SLC45A2: variants seen among roughly 807,000 people sequenced by gnomAD.
SLC45A2 encodes the protein solute carrier family 45 member 2.
A neutral mutation model predicts 45.5 loss-of-function variants in SLC45A2; 36 were observed. That is an observed-to-expected ratio of 0.79 (90% CI 0.61 to 1.04). The LOEUF is 1.04. SLC45A2 is among the 50% of genes least tolerant of loss of function. The probability of loss-of-function intolerance (pLI) is 0.00; values close to 1 mark genes in which losing one functional copy is unlikely to be tolerated. For missense variants in SLC45A2, 719 were observed against 671.0 expected, an observed-to-expected ratio of 1.07 and a Z score of -0.79; for synonymous variants, 306 against 269.3, an observed-to-expected ratio of 1.14 and a Z score of -1.33.
chr5:33,982,239 TG>T lies in SLC45A2; in HGVS notation c.558del (p.Phe186LeufsTer15). The T allele has an allele frequency of 6.2e-7, 1 of 1,613,948 alleles. No individual in the cohort carries two copies. The highest frequency in any genetic ancestry group is 1.1e-5 in the South Asian group (1 of 91,068). On this transcript the variant is annotated frameshift_variant, in exon 2 of 7. Coordinates refer to ENST00000296589, the MANE Select transcript of SLC45A2 (RefSeq NM_016180.5). LOFTEE classifies it high-confidence loss of function. ...GACTTTCTGGAATATTCCCTACCTGTGAAGAGGGCATGGTAGTGGAGGCCCT... is the reference window on the plus strand; with the variant it reads ...GACTTTCTGGAATATTCCCTACCTGTAAGAGGGCATGGTAGTGGAGGCCCT... ...KEKGLHYHAL[F>X]TGFGGALGYL...
At position 33,984,457 on chromosome 5, in the gene SLC45A2, A is replaced by G. The variant is rs768008001; in HGVS notation, c.127T>C (p.Phe43Leu). Residue 43 changes from phenylalanine to leucine, a missense_variant, in exon 1 of 7, where the codon TTC becomes CTC. Coordinates refer to ENST00000296589, the MANE Select transcript of SLC45A2 (RefSeq NM_016180.5). The stretch of plus-strand genomic sequence containing the variant: ...ACCGCGTAGCAGAACTCTCTTCCGA[A>G]CATGGCCATGCTGTGCATGATGAGT... ...SRLIMHSMAM[F>L]GREFCYAVEA... 1.2e-5 allele frequency: 19 copies of G among 1,613,850 alleles called. 1 individual carries two copies. Among genetic ancestry groups the G allele is most frequent in the Non-Finnish European group, 1.6e-5 (19 of 1,180,006 alleles).
Position 33,951,468 on chromosome 5 carries a change from T to C in SLC45A2, c.1156+86A>G, listed in dbSNP as rs778701792. The C allele has an allele frequency of 5.2e-5, 83 of 1,608,906 alleles. No homozygotes were observed. In the Middle Eastern group the frequency reaches 7.4e-4, roughly 14 times the overall value. ...ATTAAGAATCTGGTATTTTAAACAG[T>C]AGGAAATACACATAGAAATATCAAA... On this transcript the variant is annotated intron_variant, in intron 5 of 6. Transcript: ENST00000296589.
rs529472351 is a variant in SLC45A2, at chr5:33,950,385, T to C, written c.1156+1169A>G. ...GCACACTCGAAGAGGAAGAAAAGAGTTTGCTAAATAAATGTGATCTTTAAG... is the reference window on the plus strand; with the variant it reads ...GCACACTCGAAGAGGAAGAAAAGAGCTTGCTAAATAAATGTGATCTTTAAG... On this transcript the variant is annotated intron_variant, in intron 5 of 6. Transcript: ENST00000296589. Among the ~76,000 whole-genome samples, 4 of 152,302 alleles carry C rather than the reference T, an allele frequency of 2.6e-5. No homozygotes were observed. The South Asian group carries it at 8.3e-4, about 32-fold the overall frequency.
At position 33,983,921 on chromosome 5, in the gene SLC45A2, GATAAAATAGATACAAATTTA is replaced by G. The variant is rs1753155902; in HGVS notation, c.385+258_385+277del. Among the ~76,000 whole-genome samples, 3 of 152,206 alleles carry G rather than the reference GATAAAATAGATACAAATTTA, an allele frequency of 2.0e-5. No homozygotes were observed. The South Asian group carries it at 6.2e-4, about 32-fold the overall frequency. Reference sequence around the variant, plus strand: ...ATAAATATGTAAAAATATTCAATTCGATAAAATAGATACAAATTTAATAAAATAGATACAAATTTAATCCT... The same window carrying G: ...ATAAATATGTAAAAATATTCAATTCGATAAAATAGATACAAATTTAATCCT... On this transcript the variant is annotated intron_variant, in intron 1 of 6. Coordinates refer to ENST00000296589, the MANE Select transcript of SLC45A2 (RefSeq NM_016180.5).
chr5:33,957,844 T>C (rs1270426782), intron 3 of SLC45A2, among the ~76,000 whole-genome samples: 2 of 152,218 alleles, frequency 1.3e-5, no homozygotes, highest in African/African-American at 4.8e-5. Flanking sequence ...CTGCTTTCAT[T>C]GTTAGCCTAA....
intron 6 of SLC45A2, 119 bp downstream of exon 6, chr5:33,947,044 C>A (rs1009657818): frequency 1.9e-6 from 3 of 1,608,208 alleles, no homozygotes; most frequent in Non-Finnish European, 2.5e-6. Context: ...GGGCATTTGA[C>A]TGTTGCTGTT....
chr5:33,974,673 G>A (rs1385933362), intron 2 of SLC45A2, among the ~76,000 whole-genome samples: 1 of 152,182 alleles, frequency 6.6e-6, no homozygotes, highest in East Asian at 1.9e-4. Flanking sequence ...ACAAGGCCCT[G>A]CTTGTTATTT....
At chr5:33,948,636 C>T (rs968197299) in intron 5 of SLC45A2, among the ~76,000 whole-genome samples, 1 of 152,212 alleles carries the variant, frequency 6.6e-6, no homozygotes, top group African/African-American at 2.4e-5. Context: ...CTCTATTAAA[C>T]TTATACCATG....
At chr5:33,947,914 C>T (rs1751986472) in intron 5 of SLC45A2, among the ~76,000 whole-genome samples, 1 of 152,174 alleles carries the variant, frequency 6.6e-6, no homozygotes, top group Admixed American at 6.5e-5. Context: ...AAAAGATGTA[C>T]AATTATCTGA....
intron 5 of SLC45A2, among the ~76,000 whole-genome samples, chr5:33,948,552 C>T (rs1037487322): frequency 6.6e-6 from 1 of 152,174 alleles, no homozygotes; most frequent in Non-Finnish European, 1.5e-5. Context: ...ACATTTGAAT[C>T]AATTATGAAA....
intron 2 of SLC45A2, chr5:33,971,377 A>G (rs1752772348): frequency 2.1e-6 from 1 of 487,088 alleles, no homozygotes; most frequent in Non-Finnish European, 4.0e-6. Context: ...GGACCACCAT[A>G]AACAGGAAAA....
Position 33,963,674 on chromosome 5 carries a change from A to G in SLC45A2, c.888+17T>C. On this transcript the variant is annotated intron_variant, in intron 3 of 6. Coordinates refer to ENST00000296589, the MANE Select transcript of SLC45A2 (RefSeq NM_016180.5). ...AAGAATATTTTCCCTTGTAAAGAAAAAATGTTGCATCTTTACCTGTTCAGC... is the reference window on the plus strand; with the variant it reads ...AAGAATATTTTCCCTTGTAAAGAAAGAATGTTGCATCTTTACCTGTTCAGC... 1 of 1,612,674 alleles carries G rather than the reference A, an allele frequency of 6.2e-7. No individual in the cohort carries two copies. The highest frequency in any genetic ancestry group is 8.5e-7 in the Non-Finnish European group (1 of 1,178,960).
At chr5:33,953,152 A>G (rs189047198) in intron 4 of SLC45A2, among the ~76,000 whole-genome samples, 1 of 149,640 alleles carries the variant, frequency 6.7e-6, no homozygotes, top group Non-Finnish European at 1.5e-5. Flanking sequence ...CGCAGTAAAC[A>G]TACGTGTGCA....
At chr5:33,974,809 G>C (rs1232046120) in intron 2 of SLC45A2, among the ~76,000 whole-genome samples, 1 of 152,162 alleles carries the variant, frequency 6.6e-6, no homozygotes, top group Non-Finnish European at 1.5e-5. Flanking sequence ...GAGAGAGATT[G>C]CAAGAAAGAC....
intron 2 of SLC45A2, among the ~76,000 whole-genome samples, chr5:33,969,932 G>C (rs1053975745): frequency 6.6e-5 from 10 of 152,230 alleles, no homozygotes; most frequent in African/African-American, 2.4e-4. Flanking sequence ...ATTTATGGCT[G>C]TCTTGAGCTT....
At position 33,982,364 on chromosome 5, in the gene SLC45A2, GTGAC is replaced by G. The variant is rs1204442882; in HGVS notation, c.430_433del (p.Val144ProfsTer2). 6.2e-7 allele frequency: 1 copy of G among 1,614,164 alleles called. No homozygotes were observed. Among genetic ancestry groups the G allele is most frequent in the South Asian group, 1.1e-5 (1 of 91,088 alleles). On this transcript the variant is annotated frameshift_variant, in exon 2 of 7. Transcript: ENST00000296589. LOFTEE classifies it high-confidence loss of function. ...ATCAAAGAGAACGACACCTATCATG[GTGAC>G]ACTTATGGCCCAAACCAGCTTCCTC...
At chr5:33,961,357 C>T (rs1752450054) in intron 3 of SLC45A2, among the ~76,000 whole-genome samples, 1 of 152,136 alleles carries the variant, frequency 6.6e-6, no homozygotes, top group South Asian at 2.1e-4. Flanking sequence ...CATTCAAAAG[C>T]TTCCAAAATG....
At chr5:33,971,429 AAC>A (rs1232242155) in intron 2 of SLC45A2, 4 of 440,732 alleles carry the variant, frequency 9.1e-6, no homozygotes, top group Non-Finnish European at 1.7e-5. Context: ...GCTGGACTGC[AAC>A]TTTTTTCCTT....
At chr5:33,971,310 C>G (rs1232662470) in intron 2 of SLC45A2, 1 of 518,502 alleles carries the variant, frequency 1.9e-6, no homozygotes, top group Non-Finnish European at 3.9e-6. Flanking sequence ...TTACCACTTA[C>G]AAACCCAGTT....
Sources: allele counts gnomAD v4.1 joint callset (sites outside exome capture counted in the v4.1 genomes callset), GRCh38; gene constraint gnomAD v4.1.1; transcripts MANE v1.5; gene names NCBI Gene and HGNC (gene_info 2026-07-23, HGNC 2026-07-21).